Variants in SPAG16 observed in about 807,000 individuals in gnomAD.
SPAG16 encodes sperm-associated antigen 16 protein.
SPAG16 carries 86 observed loss-of-function variants against 80.4 expected under a neutral mutation model. That is an observed-to-expected ratio of 1.07 (90% CI 0.90 to 1.28). The LOEUF is 1.28. Among genes scored for constraint, SPAG16 ranks in the 50% most tolerant of loss-of-function variants. The pLI is 0.00. For missense variants in SPAG16, 870 were observed against 765.3 expected (o/e 1.14, Z -1.61); for synonymous variants, 294 against 265.9 (o/e 1.11, Z -1.03).
chr2:213,976,135 T>TATATATATATATATATATATACAC (rs749957411), intron 12 of SPAG16, among the ~76,000 whole-genome samples: 3 of 81,406 alleles, frequency 3.7e-5, no homozygotes, highest in Middle Eastern at 6.3e-3. Flanking sequence ...TATATATATA[T>TATATATATATATATATATATACAC]ACACACACAC....
At chr2:213,477,507 T>C (rs2073478427) in intron 9 of SPAG16, among the ~76,000 whole-genome samples, 1 of 152,208 alleles carries the variant, frequency 6.6e-6, no homozygotes, top group African/African-American at 2.4e-5. Flanking sequence ...TGCATCAGCA[T>C]GACCTGGATG....
chr2:214,215,982 A>G (rs1276804302), intron 15 of SPAG16, among the ~76,000 whole-genome samples: 1 of 152,238 alleles, frequency 6.6e-6, no homozygotes, highest in South Asian at 2.1e-4. Flanking sequence ...CCTGATAGAT[A>G]CCCATTGCAA....
intron 10 of SPAG16, among the ~76,000 whole-genome samples, chr2:213,575,034 C>T (rs368846236): frequency 2.6e-5 from 4 of 152,048 alleles, no homozygotes; most frequent in East Asian, 3.9e-4. Context: ...CTGCATTGCA[C>T]CTAACTGGTG....
intron 10 of SPAG16, among the ~76,000 whole-genome samples, chr2:213,766,465 A>G (rs2068944517): frequency 6.6e-6 from 1 of 152,212 alleles, no homozygotes; most frequent in Admixed American, 6.5e-5. Context: ...AGCTCAGCTG[A>G]AATTAAAAAA....
intron 12 of SPAG16, among the ~76,000 whole-genome samples, chr2:213,997,873 A>G (rs374410158): frequency 1.6e-4 from 25 of 152,320 alleles, no homozygotes; most frequent in African/African-American, 5.8e-4. Flanking sequence ...GTAACAACAC[A>G]GTGGAAAAAT....
chr2:213,820,991 C>T (rs1020947515), intron 10 of SPAG16, among the ~76,000 whole-genome samples: 1 of 152,088 alleles, frequency 6.6e-6, no homozygotes, highest in South Asian at 2.1e-4. Context: ...CTGAAATTCT[C>T]ATAAATATTT....
chr2:214,255,164 C>A (rs947285442), intron 15 of SPAG16, among the ~76,000 whole-genome samples: 20 of 152,006 alleles, frequency 1.3e-4, no homozygotes, highest in African/African-American at 4.6e-4. Flanking sequence ...ATCAGTGAAT[C>A]CATTATCAAT....
intron 9 of SPAG16, among the ~76,000 whole-genome samples, chr2:213,380,923 A>T (rs951226301): frequency 2.0e-5 from 3 of 152,180 alleles, no homozygotes; most frequent in Non-Finnish European, 2.9e-5. Flanking sequence ...ACCTACCCCA[A>T]TGAAGAATGT....
chr2:214,111,739 T>TGTTG (rs2053674166), intron 14 of SPAG16, among the ~76,000 whole-genome samples: 1 of 151,984 alleles, frequency 6.6e-6, no homozygotes, highest in Non-Finnish European at 1.5e-5. Context: ...ATTTTCACAA[T>TGTTG]ATTCTTCCTA....
intron 10 of SPAG16, among the ~76,000 whole-genome samples, chr2:213,532,342 A>T (rs1033677399): frequency 6.6e-6 from 1 of 152,090 alleles, no homozygotes; most frequent in African/African-American, 2.4e-5. Context: ...ATTTTTATAT[A>T]CTCTGTGTTA....
At chr2:213,401,952 T>G (rs969601859) in intron 9 of SPAG16, among the ~76,000 whole-genome samples, 1 of 152,120 alleles carries the variant, frequency 6.6e-6, no homozygotes, top group Non-Finnish European at 1.5e-5. Flanking sequence ...CTTCAAACGT[T>G]TTAAATAAGA....
intron 12 of SPAG16, among the ~76,000 whole-genome samples, chr2:213,935,111 A>T (rs1213014478): frequency 6.6e-6 from 1 of 150,612 alleles, no homozygotes; most frequent in African/African-American, 2.4e-5. Flanking sequence ...CTGAGGCAGA[A>T]GGATGGCATG....
At chr2:213,506,866 A>G (rs1042978448) in intron 10 of SPAG16, among the ~76,000 whole-genome samples, 3 of 152,210 alleles carry the variant, frequency 2.0e-5, no homozygotes, top group Admixed American at 6.5e-5. Context: ...TGTCTTTTGT[A>G]TCAGCATTAT....
intron 12 of SPAG16, among the ~76,000 whole-genome samples, chr2:213,977,753 C>T (rs1259331420): frequency 1.3e-5 from 2 of 151,994 alleles, no homozygotes; most frequent in Non-Finnish European, 2.9e-5. Flanking sequence ...TTTAAGGGTC[C>T]AAGGACCTCT....
At chr2:213,384,498 T>C (rs1428046009) in intron 9 of SPAG16, among the ~76,000 whole-genome samples, 5 of 152,174 alleles carry the variant, frequency 3.3e-5, no homozygotes, top group Non-Finnish European at 7.4e-5. Context: ...GTTATAAAAC[T>C]ATGAGTCCCT....
At chr2:213,375,204 A>G (rs2066827245) in intron 9 of SPAG16, 85 bp downstream of exon 9, 2 of 996,724 alleles carry the variant, frequency 2.0e-6, no homozygotes, top group Non-Finnish European at 2.9e-6. Flanking sequence ...TCATTATTTT[A>G]CCGGAAAAGG....
intron 13 of SPAG16, among the ~76,000 whole-genome samples, chr2:214,023,442 T>A (rs367779544): frequency 2.0e-5 from 3 of 151,794 alleles, no homozygotes; most frequent in African/African-American, 7.2e-5. Flanking sequence ...ATGTGTTTTC[T>A]AAAATGCATA....
intron 14 of SPAG16, among the ~76,000 whole-genome samples, chr2:214,131,902 C>T (rs1013287800): frequency 6.6e-6 from 1 of 152,068 alleles, no homozygotes; most frequent in African/African-American, 2.4e-5. Flanking sequence ...AGAACGTACA[C>T]CACCAAGAGT....
At chr2:214,147,596 T>A (rs2055723318) in intron 14 of SPAG16, among the ~76,000 whole-genome samples, 1 of 152,182 alleles carries the variant, frequency 6.6e-6, no homozygotes, top group African/African-American at 2.4e-5. Context: ...AACATTAATA[T>A]TCCTTGCCGA....
Sources: gnomAD v4.1 joint callset for allele counts (sites outside exome capture counted in the v4.1 genomes callset) on GRCh38, gnomAD v4.1.1 for gene constraint, MANE v1.5 for transcripts, NCBI Gene and HGNC (gene_info 2026-07-23, HGNC 2026-07-21) for gene names.